The following DPY19L1 variants were observed in gnomAD, a reference collection of about 807,000 sequenced individuals.
DPY19L1 encodes dpy-19 like C-mannosyltransferase 1, also known as protein C-mannosyl-transferase DPY19L1.
In DPY19L1, 35 loss-of-function variants were observed where a neutral mutation model predicts 96.9. The observed-to-expected ratio is 0.36, with a 90% confidence interval of 0.28 to 0.48. DPY19L1 has a LOEUF of 0.48. Among genes scored for constraint, DPY19L1 ranks in the 20% least tolerant of loss-of-function variants. The pLI is 0.99. For missense variants in DPY19L1, 521 were observed against 777.9 expected (o/e 0.67, Z 3.93); for synonymous variants, 205 against 252.6 (o/e 0.81, Z 1.79).
chr7:34,938,405 C>G (rs1199545987), intron 20 of DPY19L1, among the ~76,000 whole-genome samples: 1 of 152,222 alleles, frequency 6.6e-6, no homozygotes, highest in Non-Finnish European at 1.5e-5. Flanking sequence ...CTTCACTTCG[C>G]TATCACATGT....
At chr7:34,981,614 A>G (rs1001444354) in intron 7 of DPY19L1, among the ~76,000 whole-genome samples, 19 of 152,250 alleles carry the variant, frequency 1.2e-4, no homozygotes, top group African/African-American at 4.1e-4. Context: ...GAGGTAATGC[A>G]AAGCAAAGGA....
intron 16 of DPY19L1, 152 bp downstream of exon 16, chr7:34,945,515 A>C: frequency 1.6e-6 from 1 of 615,354 alleles, no homozygotes; most frequent in Non-Finnish European, 2.9e-6. Flanking sequence ...GATAGGAAAT[A>C]AGAAGAAATG....
intron 9 of DPY19L1, among the ~76,000 whole-genome samples, chr7:34,967,439 T>C (rs1229263808): frequency 6.6e-6 from 1 of 152,238 alleles, no homozygotes; most frequent in Admixed American, 6.5e-5. Flanking sequence ...TCCATTAATG[T>C]TCTTTCATTA....
intron 1 of DPY19L1, among the ~76,000 whole-genome samples, chr7:35,022,963 TC>T (rs1786031099): frequency 6.6e-6 from 1 of 152,070 alleles, no homozygotes; most frequent in African/African-American, 2.4e-5. Flanking sequence ...GATTTCCCTG[TC>T]CCCAGCCGGC....
chr7:34,997,488 T>C (rs983068775), intron 6 of DPY19L1, among the ~76,000 whole-genome samples: 1 of 148,200 alleles, frequency 6.7e-6, no homozygotes, highest in African/African-American at 2.5e-5. Context: ...CAGGCGCCTG[T>C]AGTCCCAGCT....
At chr7:35,031,457 G>A (rs901067468) in intron 1 of DPY19L1, among the ~76,000 whole-genome samples, 4 of 151,974 alleles carry the variant, frequency 2.6e-5, no homozygotes, top group African/African-American at 9.7e-5. Flanking sequence ...CCAATCCCTC[G>A]GGGTTACTAA....
At chr7:34,979,468 A>C (rs1330507611) in intron 7 of DPY19L1, among the ~76,000 whole-genome samples, 1 of 152,140 alleles carries the variant, frequency 6.6e-6, no homozygotes, top group Non-Finnish European at 1.5e-5. Flanking sequence ...TTGCTTCTAA[A>C]TTATTTAACC....
At chr7:34,967,219 A>T (rs1784630423) in intron 9 of DPY19L1, among the ~76,000 whole-genome samples, 1 of 152,188 alleles carries the variant, frequency 6.6e-6, no homozygotes, top group Admixed American at 6.5e-5. Context: ...ACTGTCCAAA[A>T]CAATACTCAT....
chr7:35,015,406 C>A (rs564134076), intron 3 of DPY19L1, among the ~76,000 whole-genome samples: 2 of 152,100 alleles, frequency 1.3e-5, no homozygotes, highest in Non-Finnish European at 2.9e-5. Flanking sequence ...ACACAGGATG[C>A]GGTGAAGAAG....
intron 7 of DPY19L1, among the ~76,000 whole-genome samples, chr7:34,987,057 A>T (rs570498458): frequency 6.6e-6 from 1 of 152,176 alleles, no homozygotes; most frequent in Admixed American, 6.5e-5. Context: ...CAATCAAAAA[A>T]TTGGAGAAAA....
chr7:35,000,858 ACACTTTTTTCTTCATTATG>A (rs1465854096), intron 6 of DPY19L1, among the ~76,000 whole-genome samples: 1 of 152,262 alleles, frequency 6.6e-6, no homozygotes, highest in African/African-American at 2.4e-5. Context: ...AATGAAATAA[ACACTTTTTTCTTCATTATG>A]CAGGATCTTT....
chr7:34,959,926 TATATATATA>T (rs1784465303), intron 10 of DPY19L1, among the ~76,000 whole-genome samples: 1 of 21,574 alleles, frequency 4.6e-5, no homozygotes. Context: ...TATATATATT[TATATATATA>T]TATATATATA....
intron 15 of DPY19L1, 122 bp from the exon 16 acceptor site, chr7:34,945,838 A>T (rs1167722783): frequency 1.4e-6 from 1 of 690,064 alleles, no homozygotes; most frequent in Non-Finnish European, 2.5e-6. Context: ...GATAACTCAG[A>T]AAATAATAAT....
chr7:34,949,988 C>G (rs1373939386), intron 13 of DPY19L1, 90 bp from the exon 14 acceptor site: 6 of 652,432 alleles, frequency 9.2e-6, no homozygotes, highest in African/African-American at 7.7e-5. Flanking sequence ...GTTTTCATTA[C>G]ATTATAGAGC....
At chr7:34,967,375 T>C (rs1300982631) in intron 9 of DPY19L1, among the ~76,000 whole-genome samples, 5 of 152,190 alleles carry the variant, frequency 3.3e-5, no homozygotes, top group South Asian at 2.1e-4. Flanking sequence ...ATGCAATGCA[T>C]GTGTGCATAA....
chr7:34,932,905 T>C (rs1271702220), intron 21 of DPY19L1, among the ~76,000 whole-genome samples: 1 of 152,202 alleles, frequency 6.6e-6, no homozygotes, highest in Non-Finnish European at 1.5e-5. Flanking sequence ...GTCCCTCTTA[T>C]GTTTAGTAGC....
intron 11 of DPY19L1, among the ~76,000 whole-genome samples, chr7:34,956,724 C>T (rs1318911048): frequency 6.6e-6 from 1 of 151,872 alleles, no homozygotes; most frequent in African/African-American, 2.4e-5. Flanking sequence ...AGGATGGTCT[C>T]GATCTCCTGA....
At chr7:34,998,188 G>A (rs748246234) in intron 6 of DPY19L1, among the ~76,000 whole-genome samples, 9 of 152,218 alleles carry the variant, frequency 5.9e-5, no homozygotes, top group Non-Finnish European at 1.0e-4. Flanking sequence ...GGTTCCTTAT[G>A]TGGAAGAAAA....
chr7:35,023,628 A>G (rs1786046822), intron 1 of DPY19L1, among the ~76,000 whole-genome samples: 1 of 152,168 alleles, frequency 6.6e-6, no homozygotes, highest in Admixed American at 6.5e-5. Flanking sequence ...CATTTTACAA[A>G]TGAAAGAATG....
Sources: gnomAD v4.1 joint callset for allele counts (sites outside exome capture counted in the v4.1 genomes callset) on GRCh38, gnomAD v4.1.1 for gene constraint, MANE v1.5 for transcripts, NCBI Gene and HGNC (gene_info 2026-07-23, HGNC 2026-07-21) for gene names.